Variants in TOP6BL observed in about 807,000 individuals in gnomAD.
TOP6BL encodes the protein TOP6B like initiator of meiotic double strand breaks, also known as type 2 DNA topoisomerase 6 subunit B-like.
the TOP6BL span, among the ~76,000 whole-genome samples, chr11:66,793,247 C>T: frequency 2.7e-5 from 4 of 148,756 alleles, no homozygotes; most frequent in African/African-American, 5.0e-5. Context: ...CATCTGTAAT[C>T]GGCTAATTTT....
the TOP6BL span, among the ~76,000 whole-genome samples, chr11:66,813,668 G>A: frequency 1.3e-5 from 2 of 152,142 alleles, no homozygotes; most frequent in East Asian, 3.9e-4. Context: ...GGGAGGTGGA[G>A]GTTGCAGTGA....
chr11:66,839,511 TGCTTG>T, the TOP6BL span, among the ~76,000 whole-genome samples: 107 of 152,328 alleles, frequency 7.0e-4, no homozygotes, highest in African/African-American at 2.5e-3. Context: ...TCAGCACCTA[TGCTTG>T]GTTGGTAAAT....
the TOP6BL span, among the ~76,000 whole-genome samples, chr11:66,820,038 C>G: frequency 2.0e-5 from 3 of 152,050 alleles, no homozygotes; most frequent in African/African-American, 7.3e-5. Flanking sequence ...AAGATCGTGT[C>G]ACTGCACTCC....
chr11:66,839,199 A>T, the TOP6BL span: 1 of 456,282 alleles, frequency 2.2e-6, no homozygotes, highest in Non-Finnish European at 4.4e-6. Flanking sequence ...TCACTAGCAG[A>T]GATGCCAGGT....
the TOP6BL span, among the ~76,000 whole-genome samples, chr11:66,833,040 C>CTTTTTTT: frequency 5.1e-5 from 6 of 117,264 alleles, no homozygotes; most frequent in East Asian, 2.4e-4. Flanking sequence ...ATCTTTCTGC[C>CTTTTTTT]TTTTTTTTTT....
chr11:66,786,297 T>TAA, the TOP6BL span, among the ~76,000 whole-genome samples: 4 of 144,864 alleles, frequency 2.8e-5, no homozygotes, highest in African/African-American at 1.0e-4. Context: ...AACTCTGTCT[T>TAA]AAAAAAAAAA....
At chr11:66,773,881 C>T in the TOP6BL span, among the ~76,000 whole-genome samples, 2 of 151,986 alleles carry the variant, frequency 1.3e-5, no homozygotes, top group Admixed American at 1.3e-4. Flanking sequence ...GGATTACAGG[C>T]CCCCACCACC....
the TOP6BL span, among the ~76,000 whole-genome samples, chr11:66,838,046 T>C: frequency 6.6e-6 from 1 of 152,160 alleles, no homozygotes; most frequent in African/African-American, 2.4e-5. Context: ...AAAATGGACA[T>C]TTGCACATTA....
chr11:66,748,173 C>T, the TOP6BL span, among the ~76,000 whole-genome samples: 1 of 152,156 alleles, frequency 6.6e-6, no homozygotes, highest in Non-Finnish European at 1.5e-5. Context: ...TGTTGAATTT[C>T]ACTGACTCTT....
chr11:66,834,308 G>A, the TOP6BL span, among the ~76,000 whole-genome samples: 2 of 152,166 alleles, frequency 1.3e-5, no homozygotes, highest in Non-Finnish European at 2.9e-5. Context: ...TTAACACAGA[G>A]GACTAGGTTG....
the TOP6BL span, among the ~76,000 whole-genome samples, chr11:66,840,991 C>T: frequency 5.9e-5 from 9 of 152,178 alleles, no homozygotes; most frequent in East Asian, 1.9e-4. Flanking sequence ...GGCAGCTCCT[C>T]GTGGAGGTCC....
the TOP6BL span, among the ~76,000 whole-genome samples, chr11:66,785,301 T>G: frequency 6.6e-6 from 1 of 152,170 alleles, no homozygotes; most frequent in African/African-American, 2.4e-5. Flanking sequence ...CTGTTTAATT[T>G]ACGACAGTGT....
the TOP6BL span, among the ~76,000 whole-genome samples, chr11:66,836,700 ATTT>A: frequency 1.9e-5 from 2 of 107,650 alleles, no homozygotes; most frequent in African/African-American, 3.6e-5. Flanking sequence ...AGAAAATATG[ATTT>A]TTTTTTTTTT....
chr11:66,843,038 C>T, the TOP6BL span: 4 of 1,557,048 alleles, frequency 2.6e-6, no homozygotes, highest in East Asian at 4.8e-5. Context: ...GCCCTGGCGC[C>T]GGGCAGGGCG....
At chr11:66,748,021 T>C in the TOP6BL span, among the ~76,000 whole-genome samples, 1 of 152,202 alleles carries the variant, frequency 6.6e-6, no homozygotes, top group East Asian at 1.9e-4. Flanking sequence ...ATAGTCTTCA[T>C]GTTGGCTTTT....
chr11:66,787,055 T>G, the TOP6BL span, among the ~76,000 whole-genome samples: 1 of 151,850 alleles, frequency 6.6e-6, no homozygotes, highest in Non-Finnish European at 1.5e-5. Flanking sequence ...TGCCTCAGCC[T>G]CCTGAGTAGC....
chr11:66,744,861 C>T, the TOP6BL span: 14 of 1,312,730 alleles, frequency 1.1e-5, no homozygotes, highest in East Asian at 3.1e-5. Flanking sequence ...TACCCTTCGA[C>T]TGGGCGTTGC....
chr11:66,822,502 G>A, the TOP6BL span: 1 of 1,103,088 alleles, frequency 9.1e-7, no homozygotes. Context: ...GGGCCCTCTG[G>A]GATTCTCTAA....
chr11:66,758,182 G>T, the TOP6BL span: 1 of 965,898 alleles, frequency 1.0e-6, no homozygotes, highest in African/African-American at 1.8e-5. Flanking sequence ...TTGTCCCCTC[G>T]TTGGTGCCTG....
Sources: gnomAD v4.1 joint callset for allele counts (sites outside exome capture counted in the v4.1 genomes callset) on GRCh38, gnomAD v4.1.1 for gene constraint, MANE v1.5 for transcripts, NCBI Gene and HGNC (gene_info 2026-07-23, HGNC 2026-07-21) for gene names.